MYO3B: variants seen among roughly 807,000 people sequenced by gnomAD.
MYO3B encodes the protein myosin-IIIb.
MYO3B carries 156 observed loss-of-function variants against 174.6 expected under a neutral mutation model. The ratio of observed to expected loss-of-function variants is 0.89; its 90% CI spans 0.78 to 1.02. MYO3B has a LOEUF of 1.02. Ranked by LOEUF, MYO3B falls within the 50% of genes least tolerant of loss-of-function variation. The pLI is 0.00. For synonymous variants in MYO3B, 563 were observed against 569.1 expected (o/e 0.99, Z 0.15); for missense variants, 1,632 against 1,639.4 (o/e 1.00, Z 0.08).
chr2:170,280,202 T>C (rs983872474), intron 7 of MYO3B, among the ~76,000 whole-genome samples: 1 of 152,236 alleles, frequency 6.6e-6, no homozygotes, highest in Non-Finnish European at 1.5e-5. Context: ...TTTGCATTTC[T>C]TTAATGATCA....
Position 170,463,465 on chromosome 2 carries a change from T to A in MYO3B, c.2808+20T>A. The stretch of plus-strand genomic sequence containing the variant: ...TTCCGGGTATGGAGTCTTCTTGATC[T>A]CTATTCTGCCTGCTTCCAAAAAGGA... On this transcript the variant is annotated intron_variant, in intron 24 of 34. Transcript: ENST00000408978. 1 of 1,610,308 alleles carries A rather than the reference T, an allele frequency of 6.2e-7. No homozygotes were observed. The highest frequency in any genetic ancestry group is 2.2e-5 in the East Asian group (1 of 44,840).
intron 30 of MYO3B, among the ~76,000 whole-genome samples, chr2:170,520,551 A>G (rs1575110135): frequency 1.3e-5 from 2 of 152,154 alleles, no homozygotes; most frequent in South Asian, 4.2e-4. Flanking sequence ...TATATATATT[A>G]TCTCATTTGA....
At chr2:170,216,890 A>G (rs2032960) in intron 5 of MYO3B, among the ~76,000 whole-genome samples, 3,833 of 28,550 alleles carry the variant, frequency 0.13, 74 homozygotes, top group Non-Finnish European at 0.15. Flanking sequence ...TCCATTAGGG[A>G]AAAAAAAAAA....
chr2:170,407,756 C>G lies in MYO3B; in HGVS notation c.2562C>G (p.Asp854Glu). 2 of 1,614,046 alleles carry G rather than the reference C, an allele frequency of 1.2e-6. No individual in the cohort carries two copies. The highest frequency in any genetic ancestry group is 1.7e-6 in the Non-Finnish European group (2 of 1,179,958). ...DASGVLEKNR[D>E]TLPADVVVVL... The stretch of plus-strand genomic sequence containing the variant: ...CTGGGGTTCTTGAGAAAAATAGAGA[C>G]ACTCTCCCTGCCGATGTGGTTGTGG... Residue 854 changes from aspartate to glutamate, a missense_variant, in exon 22 of 35, where the codon GAC becomes GAG. By Grantham distance (45) the Asp-to-Glu change is conservative. Coordinates refer to ENST00000408978, the MANE Select transcript of MYO3B (RefSeq NM_138995.5).
intron 22 of MYO3B, among the ~76,000 whole-genome samples, chr2:170,435,122 G>A (rs1363160205): frequency 6.6e-6 from 1 of 152,212 alleles, no homozygotes; most frequent in Admixed American, 6.5e-5. Context: ...AACATTACCA[G>A]CCCAACTCAC....
At chr2:170,229,061 A>G (rs1266716336) in intron 6 of MYO3B, among the ~76,000 whole-genome samples, 1 of 151,924 alleles carries the variant, frequency 6.6e-6, no homozygotes, top group Non-Finnish European at 1.5e-5. Flanking sequence ...TCAGTATCTC[A>G]GCTTATAACA....
chr2:170,307,683 T>C (rs1164755353), intron 7 of MYO3B, among the ~76,000 whole-genome samples: 1 of 152,182 alleles, frequency 6.6e-6, no homozygotes, highest in African/African-American at 2.4e-5. Context: ...AAAACAGCTT[T>C]ATTGAGGCAG....
At chr2:170,351,286 A>G (rs72891373) in intron 8 of MYO3B, among the ~76,000 whole-genome samples, 5,276 of 152,256 alleles carry the variant, frequency 0.035, 129 homozygotes, top group Middle Eastern at 0.078. Context: ...GAGGTGGTTC[A>G]TTTAGGCTGA....
chr2:170,622,226 T>C (rs939101595), intron 32 of MYO3B, among the ~76,000 whole-genome samples: 2 of 152,348 alleles, frequency 1.3e-5, no homozygotes, highest in East Asian at 3.9e-4. Flanking sequence ...GTGTGGCTAA[T>C]TGTTAAGGTT....
At chr2:170,479,075 G>A (rs961903723) in intron 25 of MYO3B, among the ~76,000 whole-genome samples, 2 of 150,304 alleles carry the variant, frequency 1.3e-5, no homozygotes, top group Admixed American at 1.3e-4. Flanking sequence ...CCTGAAGTCA[G>A]GAGTTCAAGA....
At chr2:170,404,951 A>G (rs893748306) in intron 20 of MYO3B, among the ~76,000 whole-genome samples, 1 of 152,182 alleles carries the variant, frequency 6.6e-6, no homozygotes, top group African/African-American at 2.4e-5. Flanking sequence ...CTATTCTTGA[A>G]TCTTCAGTGT....
chr2:170,505,868 A>C (rs886556393), intron 28 of MYO3B, among the ~76,000 whole-genome samples: 5 of 152,240 alleles, frequency 3.3e-5, no homozygotes, highest in African/African-American at 1.2e-4. Context: ...GAGTCGGAAG[A>C]GACGCTAGTT....
intron 9 of MYO3B, among the ~76,000 whole-genome samples, chr2:170,376,996 C>A (rs1387057888): frequency 6.6e-6 from 1 of 152,108 alleles, no homozygotes; most frequent in Admixed American, 6.5e-5. Context: ...GTCTCACCTA[C>A]GTGAAGTTCT....
At chr2:170,492,053 C>CAAA (rs60053193) in intron 25 of MYO3B, among the ~76,000 whole-genome samples, 1 of 111,082 alleles carries the variant, frequency 9.0e-6, no homozygotes, top group Non-Finnish European at 2.0e-5. Context: ...GACTCCGTCT[C>CAAA]AAAAAAAAAA....
At chr2:170,618,250 T>C (rs553579241) in intron 32 of MYO3B, among the ~76,000 whole-genome samples, 40 of 152,174 alleles carry the variant, frequency 2.6e-4, no homozygotes, top group Non-Finnish European at 4.4e-4. Context: ...CATCCATCCA[T>C]GTCACGGCTC....
chr2:170,539,577 T>A (rs552994672), intron 30 of MYO3B, among the ~76,000 whole-genome samples: 12 of 152,134 alleles, frequency 7.9e-5, no homozygotes, highest in Non-Finnish European at 1.5e-4. Flanking sequence ...CTATTAACAG[T>A]TTGTCTATGA....
intron 32 of MYO3B, among the ~76,000 whole-genome samples, chr2:170,583,177 T>G (rs1283949739): frequency 6.7e-6 from 1 of 149,512 alleles, no homozygotes; most frequent in Non-Finnish European, 1.5e-5. Context: ...CTTACCAGAC[T>G]GATAGATTTT....
chr2:170,586,471 G>A (rs1418661461), intron 32 of MYO3B, among the ~76,000 whole-genome samples: 1 of 152,168 alleles, frequency 6.6e-6, no homozygotes, highest in Non-Finnish European at 1.5e-5. Flanking sequence ...CTCACCACAT[G>A]GGCTCTTAAT....
chr2:170,465,547 ATCCTCCT>A (rs1266984564), intron 24 of MYO3B, among the ~76,000 whole-genome samples: 1 of 152,132 alleles, frequency 6.6e-6, no homozygotes, highest in Non-Finnish European at 1.5e-5. Context: ...AAACCATATC[ATCCTCCT>A]GGTAACCCTT....
Sources: allele counts gnomAD v4.1 joint callset (sites outside exome capture counted in the v4.1 genomes callset), GRCh38; gene constraint gnomAD v4.1.1; transcripts MANE v1.5; gene names NCBI Gene and HGNC (gene_info 2026-07-23, HGNC 2026-07-21).